Variants in HECTD4 observed in about 807,000 individuals in gnomAD.
The protein encoded by HECTD4 is probable E3 ubiquitin-protein ligase HECTD4.
Under a neutral mutation model 471.5 loss-of-function variants are expected in HECTD4, and 114 were observed. The observed-to-expected ratio is 0.24, with a 90% CI of 0.21 to 0.28. The LOEUF (loss-of-function observed/expected upper bound fraction) is 0.28, where lower values mean the gene tolerates loss of function less well. Among genes scored for constraint, HECTD4 ranks in the 10% least tolerant of loss-of-function variants. The probability of loss-of-function intolerance (pLI) is 1.00; values close to 1 mark genes in which losing one functional copy is unlikely to be tolerated. For synonymous variants in HECTD4, 2,012 were observed against 2,256.0 expected (o/e 0.89, Z 3.07); for missense variants, 3,866 against 5,651.5 (o/e 0.68, Z 10.13).
At chr12:112,170,122 G>A in intron 69 of HECTD4, 1 of 649,096 alleles carries the variant, frequency 1.5e-6, no homozygotes, top group Non-Finnish European at 2.6e-6. Flanking sequence ...AGCTGGGTGG[G>A]CCCCCGGGAG....
At chr12:112,328,550 G>A (rs1566113625) in intron 1 of HECTD4, among the ~76,000 whole-genome samples, 1 of 152,080 alleles carries the variant, frequency 6.6e-6, no homozygotes, top group Non-Finnish European at 1.5e-5. Context: ...AATGAAGACA[G>A]CAATCATAGC....
chr12:112,283,069 C>A, intron 8 of HECTD4, 41 bp downstream of exon 8: 1 of 1,532,588 alleles, frequency 6.5e-7, no homozygotes, highest in Non-Finnish European at 9.0e-7. Flanking sequence ...CTGAACAGAG[C>A]TATACAAGGA....
intron 53 of HECTD4, 92 bp from the exon 54 acceptor site, chr12:112,203,864 C>G: frequency 1.5e-6 from 1 of 647,962 alleles, no homozygotes; most frequent in Non-Finnish European, 2.4e-6. Context: ...TCCAGATAAA[C>G]ATAAAATAAT....
intron 1 of HECTD4, among the ~76,000 whole-genome samples, chr12:112,324,052 TTCTTTCTTTCTTTC>T (rs2035680234): frequency 1.5e-5 from 1 of 67,304 alleles, no homozygotes; most frequent in African/African-American, 1.1e-4. Flanking sequence ...CTTCCTTTCT[TTCTTTCTTTCTTTC>T]TTTCTTTCTT....
intron 50 of HECTD4, 116 bp from the exon 51 acceptor site, chr12:112,208,746 G>A (rs1407678761): frequency 1.3e-6 from 1 of 763,644 alleles, no homozygotes; most frequent in Non-Finnish European, 1.9e-6. Flanking sequence ...AAGACTCCTA[G>A]TACACTGAGG....
At position 112,290,740 on chromosome 12, in the gene HECTD4, C is replaced by T. The variant is rs551813868; in HGVS notation, c.1336-7438G>A. Among the ~76,000 whole-genome samples the T allele has an allele frequency of 8.0e-5, 12 of 150,568 alleles. No homozygotes were observed. In the South Asian group the frequency reaches 2.5e-3, roughly 32 times the overall value. On this transcript the variant is annotated intron_variant, in intron 7 of 75. Coordinates refer to ENST00000682272, the MANE Select transcript of HECTD4 (RefSeq NM_001388303.1). ...GTGTATGCCTGTAGTCCCAGCTACTCGGGAGGCTGAGGCAGGGGAATCACT... is the reference window on the plus strand; with the variant it reads ...GTGTATGCCTGTAGTCCCAGCTACTTGGGAGGCTGAGGCAGGGGAATCACT...
At position 112,213,180 on chromosome 12, in the gene HECTD4, TA is replaced by T. The variant is rs2032815082; in HGVS notation, c.7466-531del. Among the ~76,000 whole-genome samples, 3 of 152,320 alleles carry T rather than the reference TA, an allele frequency of 2.0e-5. No homozygotes were observed. On this transcript the variant is annotated intron_variant, in intron 48 of 75. Transcript: ENST00000682272. This position sits in a 1 kb window ranked among gnomAD's most constrained non-coding sequence, Gnocchi z 4.0. The stretch of plus-strand genomic sequence containing the variant: ...TCAGAATTTTTAGAAGGAAAATGCC[TA>T]GTGTCTGTGTTAAATTAGTTACCGC...
Position 112,319,542 on chromosome 12 carries a change from C to T in HECTD4, c.378G>A (p.Leu126=). The part of the protein sequence containing the change: ...ESSGDEETLA[L]LKRQGLLQQP... ...GCTGCAACAAGCCCTGGCGTTTGAG[C>T]AGGGCCAAAGTTTCCTCATCACCTG... The change falls in exon 2 of 76, where the codon CTG becomes CTA. Residue 126 remains leucine, a synonymous_variant. Transcript: ENST00000682272. The surrounding 1 kb of genome is among the most constrained non-coding windows in gnomAD (Gnocchi z 5.3). 24 of 1,448,366 alleles carry T rather than the reference C, an allele frequency of 1.7e-5. No homozygotes were observed. In the South Asian group the frequency reaches 2.8e-4, roughly 17 times the overall value. The allele number at this position is 1,448,366 out of a possible 1,614,324, so 89.7% of individuals were successfully genotyped here. A position where few individuals can be genotyped will look rare whatever the true frequency, so the allele number is the denominator to read the frequency against.
chr12:112,377,729 G>T (rs1021382790), intron 1 of HECTD4, among the ~76,000 whole-genome samples: 3 of 152,086 alleles, frequency 2.0e-5, no homozygotes, highest in African/African-American at 7.2e-5. Flanking sequence ...AATTAGCTGG[G>T]CATGGTGGCA....
At chr12:112,272,081 A>C (rs2034425469) in intron 11 of HECTD4, among the ~76,000 whole-genome samples, 1 of 151,938 alleles carries the variant, frequency 6.6e-6, no homozygotes, top group Admixed American at 6.6e-5. Context: ...AAAAAAGTTA[A>C]GTTGTTGCCC....
At chr12:112,263,154 A>G (rs1379406138) in intron 17 of HECTD4, among the ~76,000 whole-genome samples, 3 of 152,236 alleles carry the variant, frequency 2.0e-5, no homozygotes, top group African/African-American at 7.2e-5. Context: ...GAGAAGTTAA[A>G]TAAATATTAT....
chr12:112,171,036 C>T (rs566838653), intron 68 of HECTD4, 81 bp downstream of exon 68: 21 of 1,263,358 alleles, frequency 1.7e-5, no homozygotes, highest in African/African-American at 3.0e-5. Context: ...TGCCCAAGGA[C>T]GCTGCCCGTG....
rs372479852 is a variant in HECTD4 at position 112,193,223 on chromosome 12, G to C, written c.8956-32C>G. The C allele has an allele frequency of 2.0e-5, 32 of 1,610,020 alleles. No homozygotes were observed. The highest frequency in any genetic ancestry group is 2.4e-5 in the Non-Finnish European group (28 of 1,178,124). On this transcript the variant is annotated intron_variant, in intron 57 of 75. Coordinates refer to ENST00000682272, the MANE Select transcript of HECTD4 (RefSeq NM_001388303.1). This position sits in a 1 kb window ranked among gnomAD's most constrained non-coding sequence, Gnocchi z 5.2. ...AGAGACACTGAATAAGGAAAGCCAC[G>C]GGCTAAACACAGGGACAGCATTTCA... is the stretch of plus-strand genomic sequence containing the variant.
chr12:112,206,258 G>GC (rs1046123738), intron 52 of HECTD4, among the ~76,000 whole-genome samples: 3 of 152,110 alleles, frequency 2.0e-5, no homozygotes, highest in Non-Finnish European at 4.4e-5. Context: ...CACTTTGGAG[G>GC]CCCGGGTGGG....
chr12:112,188,335 G>T lies in HECTD4; in HGVS notation c.9472+2451C>A, dbSNP rs373838383. Among the ~76,000 whole-genome samples the T allele has an allele frequency of 6.6e-5, 10 of 152,314 alleles. No homozygotes were observed. The highest frequency in any genetic ancestry group is 1.9e-4 in the East Asian group (1 of 5,174). On this transcript the variant is annotated intron_variant, in intron 60 of 75. Transcript: ENST00000682272. The surrounding 1 kb of genome is among the most constrained non-coding windows in gnomAD (Gnocchi z 4.2). ...AAATAAATGCTGACAGGCACAATTT[G>T]TGGACATGGAAACAATCATATAATG...
At chr12:112,272,478 C>T (rs7307326) in intron 11 of HECTD4, among the ~76,000 whole-genome samples, 2,424 of 152,304 alleles carry the variant, frequency 0.016, 72 homozygotes, top group African/African-American at 0.054. Flanking sequence ...AATACTTTCA[C>T]CCTGGATGGA....
intron 64 of HECTD4, among the ~76,000 whole-genome samples, chr12:112,178,446 T>G (rs553544922): frequency 2.6e-5 from 4 of 152,254 alleles, no homozygotes; most frequent in Non-Finnish European, 5.9e-5. Flanking sequence ...CCAGCCTTCA[T>G]GGTCAGAATC....
chr12:112,221,454 G>A (rs2033093763), intron 44 of HECTD4, among the ~76,000 whole-genome samples: 1 of 152,098 alleles, frequency 6.6e-6, no homozygotes, highest in East Asian at 1.9e-4. Context: ...GCCCAGGCTG[G>A]TCTCAAACTT....
intron 7 of HECTD4, among the ~76,000 whole-genome samples, chr12:112,299,271 C>T (rs1000632471): frequency 3.9e-5 from 6 of 152,070 alleles, no homozygotes; most frequent in African/African-American, 1.4e-4. Flanking sequence ...CTTCACTAAG[C>T]ATCTTTAAAA....
Sources: allele counts gnomAD v4.1 joint callset (sites outside exome capture counted in the v4.1 genomes callset), GRCh38; gene constraint gnomAD v4.1.1; non-coding constraint Gnocchi (gnomAD v3.1); transcripts MANE v1.5; gene names NCBI Gene and HGNC (gene_info 2026-07-23, HGNC 2026-07-21).